Variants in POU6F2 observed in about 807,000 individuals in gnomAD.
POU6F2 encodes the protein POU domain, class 6, transcription factor 2.
Under a neutral mutation model 71.3 loss-of-function variants are expected in POU6F2, and 31 were observed. The ratio of observed to expected loss-of-function variants is 0.43; its 90% CI spans 0.33 to 0.59. The LOEUF is 0.59. Ranked by LOEUF, POU6F2 falls within the 20% of genes least tolerant of loss-of-function variation. The pLI is 0.04. For synonymous variants in POU6F2, 347 were observed against 355.7 expected (o/e 0.98, Z 0.27); for missense variants, 783 against 856.8 (o/e 0.91, Z 1.07).
At chr7:39,407,371 C>T (rs1049900936) in intron 6 of POU6F2, among the ~76,000 whole-genome samples, 1 of 151,192 alleles carries the variant, frequency 6.6e-6, no homozygotes, top group Admixed American at 6.6e-5. Flanking sequence ...GGGTAGTAAA[C>T]TTTCCTCATG....
At chr7:39,335,307 ATT>A (rs1286915097) in intron 4 of POU6F2, among the ~76,000 whole-genome samples, 1 of 152,160 alleles carries the variant, frequency 6.6e-6, no homozygotes, top group Non-Finnish European at 1.5e-5. Flanking sequence ...TGAAACACAC[ATT>A]TACATTTCTC....
At chr7:39,310,571 C>A (rs567796353) in intron 4 of POU6F2, among the ~76,000 whole-genome samples, 6 of 152,236 alleles carry the variant, frequency 3.9e-5, no homozygotes, top group South Asian at 2.1e-4. Flanking sequence ...TAAACAGATT[C>A]TTTTTAAAAT....
chr7:39,173,843 A>T (rs549112992), intron 2 of POU6F2, among the ~76,000 whole-genome samples: 1 of 152,306 alleles, frequency 6.6e-6, no homozygotes, highest in Admixed American at 6.5e-5. Context: ...TGTAGAGGGA[A>T]CCACAGGTTC....
chr7:39,465,405 T>A lies in POU6F2; in HGVS notation c.*719T>A, dbSNP rs1399996007. The A allele has an allele frequency of 6.6e-6, 1 of 152,106 alleles. No individual in the cohort carries two copies. Among genetic ancestry groups the A allele is most frequent in the African/African-American group, 2.4e-5 (1 of 41,406 alleles). 9.4% of individuals were successfully genotyped at this position (152,106 alleles called of 1,614,324 possible). A position where few individuals can be genotyped will look rare whatever the true frequency, so the allele number is the denominator to read the frequency against. ...CCATTCTGTGAGGCTCACTATTGGG[T>A]TTTTTTGTGGGGGTGGTAGGGAGGG... On this transcript the variant is annotated 3_prime_UTR_variant, in exon 10 of 10. Coordinates refer to ENST00000518318, the MANE Select transcript of POU6F2 (RefSeq NM_001370959.1).
At chr7:39,124,710 C>T (rs1044511760) in intron 2 of POU6F2, among the ~76,000 whole-genome samples, 2 of 152,138 alleles carry the variant, frequency 1.3e-5, no homozygotes, top group Non-Finnish European at 2.9e-5. Flanking sequence ...AACCACGTTT[C>T]GGGGACACAA....
At chr7:39,092,711 A>G (rs1791381704) in intron 2 of POU6F2, among the ~76,000 whole-genome samples, 1 of 152,178 alleles carries the variant, frequency 6.6e-6, no homozygotes, top group Non-Finnish European at 1.5e-5. Flanking sequence ...CCTGATTGTC[A>G]AAGTCAGATT....
chr7:39,435,627 G>T (rs1334558613), intron 7 of POU6F2, among the ~76,000 whole-genome samples: 3 of 152,238 alleles, frequency 2.0e-5, no homozygotes, highest in African/African-American at 7.2e-5. Context: ...AAGCTCTTTA[G>T]TTTAATTAGA....
rs142644002 is a variant in POU6F2 at position 38,998,525 on chromosome 7, G to A, written c.105+20467G>A. Among the ~76,000 whole-genome samples, 629 of 152,162 alleles carry A rather than the reference G, an allele frequency of 4.1e-3. 2 individuals carry two copies. In the Middle Eastern group the frequency reaches 0.048, roughly 12 times the overall value. Reference sequence around the variant, plus strand: ...TTTTGATATTTATTGAGATGTCATGGGATACATAAATGCCATTAGGAGATC... The same window carrying A: ...TTTTGATATTTATTGAGATGTCATGAGATACATAAATGCCATTAGGAGATC... On this transcript the variant is annotated intron_variant, in intron 1 of 9. Coordinates refer to ENST00000518318, the MANE Select transcript of POU6F2 (RefSeq NM_001370959.1).
chr7:39,224,008 A>G (rs554947687), intron 4 of POU6F2, among the ~76,000 whole-genome samples: 13 of 152,286 alleles, frequency 8.5e-5, no homozygotes, highest in Non-Finnish European at 1.5e-4. Flanking sequence ...GTTTAAGTCA[A>G]GTGTGATGTG....
intron 7 of POU6F2, among the ~76,000 whole-genome samples, chr7:39,443,640 A>G (rs1469189494): frequency 6.6e-6 from 1 of 152,246 alleles, no homozygotes; most frequent in Non-Finnish European, 1.5e-5. Context: ...CAGGAGATGC[A>G]CAAGTGTGAG....
intron 4 of POU6F2, among the ~76,000 whole-genome samples, chr7:39,211,149 T>A (rs144163448): frequency 1.3e-5 from 2 of 152,296 alleles, no homozygotes; most frequent in African/African-American, 4.8e-5. Flanking sequence ...CCCAGAGGCC[T>A]CACCTGCTGA....
chr7:39,175,370 T>A (rs1793306131), intron 2 of POU6F2, among the ~76,000 whole-genome samples: 2 of 152,120 alleles, frequency 1.3e-5, no homozygotes, highest in African/African-American at 4.8e-5. Flanking sequence ...TATTTTATTG[T>A]CCAAACTAGG....
At chr7:39,177,112 T>C (rs963984779) in intron 2 of POU6F2, among the ~76,000 whole-genome samples, 1 of 152,216 alleles carries the variant, frequency 6.6e-6, no homozygotes, top group African/African-American at 2.4e-5. Context: ...ATTTTTAGAA[T>C]GAAAATCAGG....
At chr7:39,184,761 A>C (rs1032093654) in intron 2 of POU6F2, among the ~76,000 whole-genome samples, 2 of 152,190 alleles carry the variant, frequency 1.3e-5, no homozygotes, top group African/African-American at 4.8e-5. Flanking sequence ...AATATGAAAC[A>C]CACCAAATGG....
At chr7:39,038,358 AC>A (rs564740827) in intron 1 of POU6F2, among the ~76,000 whole-genome samples, 8 of 152,088 alleles carry the variant, frequency 5.3e-5, no homozygotes, top group Non-Finnish European at 1.0e-4. Context: ...AGGAATTTAA[AC>A]ACTCCTATGA....
intron 2 of POU6F2, among the ~76,000 whole-genome samples, chr7:39,190,625 C>G (rs1337435267): frequency 7.5e-6 from 1 of 133,702 alleles, no homozygotes; most frequent in Non-Finnish European, 1.6e-5. Flanking sequence ...TTGTTTGAGT[C>G]AACTTCTTTT....
At chr7:39,342,831 A>T (rs1004855141) in intron 5 of POU6F2, among the ~76,000 whole-genome samples, 2 of 152,172 alleles carry the variant, frequency 1.3e-5, no homozygotes, top group East Asian at 3.8e-4. Context: ...ATTTTATTTT[A>T]CTCTTTTACT....
At chr7:38,979,601 T>A (rs572241776) in intron 1 of POU6F2, among the ~76,000 whole-genome samples, 93 of 152,294 alleles carry the variant, frequency 6.1e-4, no homozygotes, top group African/African-American at 2.2e-3. Context: ...TGTTTCAATG[T>A]AAGTACTCAC....
chr7:39,278,629 G>GCA (rs1784504707), intron 4 of POU6F2, among the ~76,000 whole-genome samples: 1 of 151,632 alleles, frequency 6.6e-6, no homozygotes, highest in Admixed American at 6.6e-5. Flanking sequence ...TCCCACCCCT[G>GCA]TGTAAGGGCT....
Sources: allele counts gnomAD v4.1 joint callset (sites outside exome capture counted in the v4.1 genomes callset), GRCh38; gene constraint gnomAD v4.1.1; transcripts MANE v1.5; gene names NCBI Gene and HGNC (gene_info 2026-07-23, HGNC 2026-07-21).